RAP1GAP: variants seen among roughly 807,000 people sequenced by gnomAD.
The protein encoded by RAP1GAP is rap1 GTPase-activating protein 1.
RAP1GAP carries 35 observed loss-of-function variants against 87.2 expected under a neutral mutation model. That is an observed-to-expected ratio of 0.40 (90% CI 0.31 to 0.53). RAP1GAP has a LOEUF of 0.53. Ranked by LOEUF, RAP1GAP falls within the 20% of genes least tolerant of loss-of-function variation. The pLI is 0.48. For synonymous variants in RAP1GAP, 375 were observed against 363.9 expected, an observed-to-expected ratio of 1.03 and a Z score of -0.35; for missense variants, 734 against 898.9, an observed-to-expected ratio of 0.82 and a Z score of 2.35.
At chr1:21,642,196 G>T (rs911181077) in intron 2 of RAP1GAP, among the ~76,000 whole-genome samples, 1 of 152,232 alleles carries the variant, frequency 6.6e-6, no homozygotes, top group Non-Finnish European at 1.5e-5. Flanking sequence ...CGTGTAGGCA[G>T]TCAGGTCACC....
In RAP1GAP at chr1:21,649,163, T is replaced by C. The variant is rs538796329; in HGVS notation, c.-113+598A>G. On this transcript the variant is annotated intron_variant, in intron 2 of 24. Coordinates refer to ENST00000374765, the MANE Select transcript of RAP1GAP (RefSeq NM_002885.4). ...CGAGGTGAGGCTGCACCTCCACCCA[T>C]TGCCTCTTGGTGTTGAGAAGCTGCA... 7.9e-5 allele frequency among the ~76,000 whole-genome samples: 12 copies of C among 152,266 alleles called. No individual in the cohort carries two copies. The South Asian group carries it at 2.5e-3, about 32-fold the overall frequency.
intron 24 of RAP1GAP, 107 bp from the exon 25 acceptor site, chr1:21,597,371 G>C: frequency 3.5e-6 from 1 of 289,074 alleles, no homozygotes; most frequent in Non-Finnish European, 6.5e-6. Context: ...ACCCCACCCT[G>C]GGAGGGGCCC....
At chr1:21,642,965 CCTT>C (rs1456878839) in intron 2 of RAP1GAP, among the ~76,000 whole-genome samples, 2 of 151,916 alleles carry the variant, frequency 1.3e-5, no homozygotes, top group African/African-American at 4.8e-5. Flanking sequence ...AGGAAGCCCT[CCTT>C]GATTCCCAGA....
chr1:21,649,742 G>C lies in RAP1GAP; in HGVS notation c.-113+19C>G. 7.1e-6 allele frequency: 11 copies of C among 1,551,864 alleles called. No individual in the cohort carries two copies. Among genetic ancestry groups the C allele is most frequent in the Non-Finnish European group, 9.6e-6 (11 of 1,146,976 alleles). On this transcript the variant is annotated intron_variant, in intron 2 of 24. Transcript: ENST00000374765. The stretch of plus-strand genomic sequence containing the variant: ...CAGCCAAGGAAACCCAGGCCCTCCT[G>C]AGAGTCCCCAGTACTCACCACACAC...
chr1:21,617,182 C>T (rs1558703115), intron 7 of RAP1GAP, 124 bp downstream of exon 7: 5 of 1,130,476 alleles, frequency 4.4e-6, no homozygotes, highest in Non-Finnish European at 6.2e-6. Context: ...AGCACATTCA[C>T]TCAGGGCTCT....
chr1:21,641,174 C>T (rs2095493617), intron 2 of RAP1GAP, among the ~76,000 whole-genome samples: 1 of 151,562 alleles, frequency 6.6e-6, no homozygotes, highest in Non-Finnish European at 1.5e-5. Flanking sequence ...CCCACCTCGG[C>T]CTCCCCAGAG....
Position 21,649,016 on chromosome 1 carries a change from G to A in RAP1GAP, c.-113+745C>T, listed in dbSNP as rs536278145. On this transcript the variant is annotated intron_variant, in intron 2 of 24. Transcript: ENST00000374765. ...CAGGAAGCAGCAGCCAGAGCCGTCG[G>A]GGGGCTCTCCTGCTGGAGGTGAAGC... 3.3e-5 allele frequency among the ~76,000 whole-genome samples: 5 copies of A among 152,290 alleles called. No homozygotes were observed. In the South Asian group the frequency reaches 1.0e-3, roughly 32 times the overall value.
intron 2 of RAP1GAP, among the ~76,000 whole-genome samples, chr1:21,641,936 A>G (rs2095560069): frequency 6.6e-6 from 1 of 152,176 alleles, no homozygotes; most frequent in African/African-American, 2.4e-5. Flanking sequence ...CTCCTGCAGC[A>G]TGGGGTCAGA....
At chr1:21,616,200 C>T (rs2082076452) in intron 7 of RAP1GAP, among the ~76,000 whole-genome samples, 1 of 143,244 alleles carries the variant, frequency 7.0e-6, no homozygotes, top group African/African-American at 2.6e-5. Flanking sequence ...CATACAATGA[C>T]TAGGAGCATG....
intron 1 of RAP1GAP, among the ~76,000 whole-genome samples, chr1:21,650,310 TAGG>T (rs917751552): frequency 3.3e-5 from 5 of 152,080 alleles, no homozygotes; most frequent in Non-Finnish European, 5.9e-5. Context: ...GGAGGAGATC[TAGG>T]AGGAGCTTCC....
At chr1:21,646,021 G>C (rs1325977265) in intron 2 of RAP1GAP, among the ~76,000 whole-genome samples, 1 of 152,210 alleles carries the variant, frequency 6.6e-6, no homozygotes, top group East Asian at 1.9e-4. Context: ...GCATGCCCCT[G>C]GGCCACCACT....
Position 21,599,499 on chromosome 1 carries a change from C to T in RAP1GAP, c.1771G>A (p.Gly591Ser). The change falls in exon 21 of 25, where the codon GGC (glycine) becomes AGC (serine). Residue 591 changes from glycine (G) to serine (S), a missense_variant. Gly to Ser is a moderately conservative substitution (Grantham distance 56). Transcript: ENST00000374765. ...ETEGVDGEDT[G>S]LESVSSSGTP... ...GACCCCCCTGAGCCTCTCACCAGGC[C>T]TGTGTCCTCTCCGTCCACACCCTCC... is the stretch of plus-strand genomic sequence containing the variant. The T allele has an allele frequency of 6.2e-7, 1 of 1,608,896 alleles. No homozygotes were observed. Among genetic ancestry groups the T allele is most frequent in the Non-Finnish European group, 8.5e-7 (1 of 1,179,882 alleles).
At chr1:21,604,052 T>C in intron 18 of RAP1GAP, 1 of 681,092 alleles carries the variant, frequency 1.5e-6, no homozygotes, top group Non-Finnish European at 2.4e-6. Context: ...AAGAGAACGG[T>C]GCAGGAGGCA....
intron 22 of RAP1GAP, 21 bp from the exon 23 acceptor site, chr1:21,598,085 G>T (rs1236746012): frequency 1.4e-6 from 2 of 1,464,874 alleles, no homozygotes; most frequent in Non-Finnish European, 1.8e-6. Flanking sequence ...GGGCAGGAGG[G>T]AGCCACCTCA....
intron 2 of RAP1GAP, among the ~76,000 whole-genome samples, chr1:21,628,321 G>A (rs1415343518): frequency 6.7e-6 from 1 of 149,678 alleles, no homozygotes; most frequent in African/African-American, 2.5e-5. Context: ...GGGAGGCCAA[G>A]GCGGGCAGAT....
At chr1:21,661,272 G>A (rs1310423386) in intron 1 of RAP1GAP, among the ~76,000 whole-genome samples, 1 of 151,750 alleles carries the variant, frequency 6.6e-6, no homozygotes, top group Admixed American at 6.6e-5. Context: ...AAAAAAGGAG[G>A]GAGACGCAGC....
chr1:21,640,626 G>A lies in RAP1GAP; in HGVS notation c.-113+9135C>T, dbSNP rs142777353. Among the ~76,000 whole-genome samples the A allele has an allele frequency of 5.2e-4, 79 of 152,348 alleles. 1 individual carries two copies. The highest frequency in any genetic ancestry group is 1.8e-3 in the African/African-American group (76 of 41,584). On this transcript the variant is annotated intron_variant, in intron 2 of 24. Transcript: ENST00000374765. ...GAAAGGCCAAGGCAACCTGGGGCCAGTGCCTAGGCTGGCTGGGGTGAGGGG... is the reference window on the plus strand; with the variant it reads ...GAAAGGCCAAGGCAACCTGGGGCCAATGCCTAGGCTGGCTGGGGTGAGGGG...
At chr1:21,665,727 T>C (rs1046043720) in intron 1 of RAP1GAP, among the ~76,000 whole-genome samples, 13 of 152,154 alleles carry the variant, frequency 8.5e-5, no homozygotes, top group Admixed American at 7.9e-4. Context: ...GTGAGCAACA[T>C]AGCTGCAGCC....
intron 3 of RAP1GAP, among the ~76,000 whole-genome samples, chr1:21,625,572 C>T (rs929001133): frequency 2.6e-5 from 4 of 152,178 alleles, no homozygotes; most frequent in Non-Finnish European, 4.4e-5. Flanking sequence ...ATTTTCTCAT[C>T]TGCAAAATGG....
Sources: allele counts gnomAD v4.1 joint callset (sites outside exome capture counted in the v4.1 genomes callset), GRCh38; gene constraint gnomAD v4.1.1; transcripts MANE v1.5; gene names NCBI Gene and HGNC (gene_info 2026-07-23, HGNC 2026-07-21).